Variants in ARHGAP28 observed in about 807,000 individuals in gnomAD.
ARHGAP28 encodes the protein Rho GTPase activating protein 28, also known as rho GTPase-activating protein 28.
ARHGAP28 carries 56 observed loss-of-function variants against 90.7 expected under a neutral mutation model. The observed-to-expected ratio is 0.62, with a 90% CI of 0.50 to 0.77. The LOEUF (loss-of-function observed/expected upper bound fraction) is 0.77, where lower values mean the gene tolerates loss of function less well. ARHGAP28 is among the 30% of genes least tolerant of loss of function. ARHGAP28 has a pLI of 0.00. For synonymous variants in ARHGAP28, 308 were observed against 323.3 expected (o/e 0.95, Z 0.51); for missense variants, 869 against 900.9 (o/e 0.96, Z 0.45).
At position 6,906,222 on chromosome 18, in the gene ARHGAP28, A is replaced by C. The variant is rs181013853; in HGVS notation, c.2031-2738A>C. Among the ~76,000 whole-genome samples, 269 of 152,252 alleles carry C rather than the reference A, an allele frequency of 1.8e-3. 9 individuals are homozygous for C. The highest frequency in any genetic ancestry group is 0.016 in the Admixed American group (247 of 15,288). ...TTAGATCAATGGAATAGAATACAGA[A>C]CCCAGAAATTGACCTACACAAATAG... On this transcript the variant is annotated intron_variant, in intron 16 of 17. Transcript: ENST00000383472.
intron 1 of ARHGAP28, among the ~76,000 whole-genome samples, chr18:6,783,863 T>C (rs945271713): frequency 5.3e-5 from 8 of 152,136 alleles, no homozygotes; most frequent in Non-Finnish European, 1.0e-4. Context: ...CCACAGCTCT[T>C]TTCATGACCC....
At chr18:6,797,517 TTC>T (rs1331181088) in intron 1 of ARHGAP28, among the ~76,000 whole-genome samples, 3 of 152,226 alleles carry the variant, frequency 2.0e-5, no homozygotes, top group Non-Finnish European at 4.4e-5. Flanking sequence ...CTTCCCGGTC[TTC>T]TGTTTCCTTT....
intron 2 of ARHGAP28, among the ~76,000 whole-genome samples, chr18:6,835,184 CCTACCAAGTACT>C (rs1465713468): frequency 6.6e-6 from 1 of 152,106 alleles, no homozygotes; most frequent in Non-Finnish European, 1.5e-5. Context: ...CAACTCCAGT[CCTACCAAGTACT>C]CTTTCCTCCC....
At chr18:6,780,003 G>A (rs1003518258) in intron 1 of ARHGAP28, among the ~76,000 whole-genome samples, 4 of 152,198 alleles carry the variant, frequency 2.6e-5, no homozygotes, top group East Asian at 3.9e-4. Flanking sequence ...GCAGCAAGAC[G>A]TTGGAAAGGA....
chr18:6,912,449 T>C lies in ARHGAP28; in HGVS notation c.*295T>C, dbSNP rs2057404452. ...TCTAATCACTTCTAGTATTTCAACT[T>C]CCTAGCAGAAATGAACTTGGCCCTA... is the stretch of plus-strand genomic sequence containing the variant. On this transcript the variant is annotated 3_prime_UTR_variant, in exon 18 of 18. Coordinates refer to ENST00000383472, the MANE Select transcript of ARHGAP28 (RefSeq NM_001366230.1). 5.3e-6 allele frequency: 1 copy of C among 188,644 alleles called. No homozygotes were observed. The highest frequency in any genetic ancestry group is 2.3e-5 in the African/African-American group (1 of 43,042). 11.7% of individuals were successfully genotyped at this position (188,644 alleles called of 1,614,324 possible).
At chr18:6,834,302 A>G (rs2056736606) in intron 2 of ARHGAP28, among the ~76,000 whole-genome samples, 1 of 152,182 alleles carries the variant, frequency 6.6e-6, no homozygotes, top group South Asian at 2.1e-4. Flanking sequence ...GATTGATAGC[A>G]ATAGGACATG....
At chr18:6,851,927 G>T (rs755812947) in intron 4 of ARHGAP28, among the ~76,000 whole-genome samples, 1 of 152,092 alleles carries the variant, frequency 6.6e-6, no homozygotes, top group Non-Finnish European at 1.5e-5. Context: ...TTCAAAGGAG[G>T]CATGAGTCCA....
chr18:6,741,087 C>T (rs117166079), intron 1 of ARHGAP28, among the ~76,000 whole-genome samples: 2 of 152,292 alleles, frequency 1.3e-5, no homozygotes, highest in East Asian at 3.9e-4. Context: ...CTATTACAAC[C>T]ACCCTTGCAC....
At chr18:6,787,385 T>C (rs567816701) in intron 1 of ARHGAP28, among the ~76,000 whole-genome samples, 59 of 152,272 alleles carry the variant, frequency 3.9e-4, no homozygotes, top group South Asian at 8.3e-4. Context: ...AATATATCAT[T>C]TGCTTTCATG....
At chr18:6,730,764 G>A (rs932607187) in intron 1 of ARHGAP28, among the ~76,000 whole-genome samples, 1 of 152,186 alleles carries the variant, frequency 6.6e-6, no homozygotes, top group Admixed American at 6.5e-5. Context: ...ATATTTGGGG[G>A]AAGTTTTATT....
chr18:6,899,821 G>C lies in ARHGAP28; in HGVS notation c.2030+3195G>C, dbSNP rs140880510. Reference sequence around the variant, plus strand: ...ACATGAGCAAAACTGAACAAGGCAGGCCAAAGCAGAGGTTCCCTGGTGCCC... The same window carrying C: ...ACATGAGCAAAACTGAACAAGGCAGCCCAAAGCAGAGGTTCCCTGGTGCCC... On this transcript the variant is annotated intron_variant, in intron 16 of 17. Transcript: ENST00000383472. Among the ~76,000 whole-genome samples, 526 of 152,250 alleles carry C rather than the reference G, an allele frequency of 3.5e-3. 5 individuals are homozygous for C. The highest frequency in any genetic ancestry group is 0.012 in the African/African-American group (511 of 41,546).
intron 1 of ARHGAP28, among the ~76,000 whole-genome samples, chr18:6,811,904 T>TC (rs2056559775): frequency 6.6e-6 from 1 of 152,212 alleles, no homozygotes; most frequent in South Asian, 2.1e-4. Context: ...AAACTTTTTT[T>TC]CTCAACTATA....
At chr18:6,782,300 G>A (rs777223164) in intron 1 of ARHGAP28, among the ~76,000 whole-genome samples, 5 of 151,886 alleles carry the variant, frequency 3.3e-5, no homozygotes, top group Non-Finnish European at 7.4e-5. Flanking sequence ...CAAATATGAG[G>A]TTATTCTTTC....
chr18:6,878,547 C>T (rs2057152197), intron 10 of ARHGAP28, among the ~76,000 whole-genome samples: 1 of 152,168 alleles, frequency 6.6e-6, no homozygotes, highest in Non-Finnish European at 1.5e-5. Flanking sequence ...AACGTCATAG[C>T]AGCAGCTACC....
rs527322892 is a variant in ARHGAP28, at chr18:6,822,297, A to G, written c.123-2465A>G. On this transcript the variant is annotated intron_variant, in intron 1 of 17. Coordinates refer to ENST00000383472, the MANE Select transcript of ARHGAP28 (RefSeq NM_001366230.1). The stretch of plus-strand genomic sequence containing the variant: ...TTAGCCGAAAAAACCTAGAACTAAG[A>G]AAAGTCTTAGATATCCATATACTTT... 1.8e-4 allele frequency among the ~76,000 whole-genome samples: 28 copies of G among 152,280 alleles called. 1 individual carries two copies. The highest frequency in any genetic ancestry group is 3.4e-3 in the Middle Eastern group (1 of 294).
chr18:6,882,574 G>A (rs544224688), intron 11 of ARHGAP28, among the ~76,000 whole-genome samples: 17 of 152,308 alleles, frequency 1.1e-4, no homozygotes, highest in African/African-American at 4.1e-4. Context: ...TGTTAGCCAT[G>A]CAATCAAACC....
chr18:6,786,833 G>A (rs2056368509), intron 1 of ARHGAP28, among the ~76,000 whole-genome samples: 1 of 151,954 alleles, frequency 6.6e-6, no homozygotes, highest in Non-Finnish European at 1.5e-5. Context: ...TCTTTTCAGA[G>A]CTCAGCTTCT....
intron 12 of ARHGAP28, among the ~76,000 whole-genome samples, chr18:6,888,836 A>G (rs1407033668): frequency 6.6e-6 from 1 of 151,976 alleles, no homozygotes; most frequent in Admixed American, 6.6e-5. Flanking sequence ...CTAATTTTTT[A>G]TTCTAAATTG....
Position 6,851,027 on chromosome 18 carries a change from C to T in ARHGAP28, c.544-7C>T. On this transcript the variant is annotated splice_region_variant and splice_polypyrimidine_tract_variant and intron_variant, in intron 3 of 17. Coordinates refer to ENST00000383472, the MANE Select transcript of ARHGAP28 (RefSeq NM_001366230.1). ...TGGATAAACGTGGCTTTCATTTCTTCCGTTAGCCTCGTGATACCTGTGGCA... is the reference window on the plus strand; with the variant it reads ...TGGATAAACGTGGCTTTCATTTCTTTCGTTAGCCTCGTGATACCTGTGGCA... 6.2e-7 allele frequency: 1 copy of T among 1,613,838 alleles called. No individual in the cohort carries two copies. The highest frequency in any genetic ancestry group is 8.5e-7 in the Non-Finnish European group (1 of 1,179,908).
Sources: allele counts gnomAD v4.1 joint callset (sites outside exome capture counted in the v4.1 genomes callset), GRCh38; gene constraint gnomAD v4.1.1; transcripts MANE v1.5; gene names NCBI Gene and HGNC (gene_info 2026-07-23, HGNC 2026-07-21).